Variants in SMARCA5 observed in about 807,000 individuals in gnomAD.
SMARCA5 encodes the protein SWI/SNF-related matrix-associated actin-dependent regulator of chromatin subfamily A member 5.
A neutral mutation model predicts 140.4 loss-of-function variants in SMARCA5; 18 were observed. The observed-to-expected ratio is 0.13, with a 90% CI of 0.09 to 0.19. The LOEUF (loss-of-function observed/expected upper bound fraction) is 0.19. Ranked by LOEUF, SMARCA5 falls within the 10% of genes least tolerant of loss-of-function variation. The pLI, the probability that SMARCA5 is intolerant of heterozygous loss-of-function variation, is 1.00. For missense variants in SMARCA5, 606 were observed against 1,276.8 expected, an observed-to-expected ratio of 0.47 and a Z score of 8.01; for synonymous variants, 449 against 419.6, an observed-to-expected ratio of 1.07 and a Z score of -0.86.
intron 1 of SMARCA5, among the ~76,000 whole-genome samples, chr4:143,515,518 T>A (rs183112236): frequency 3.5e-4 from 53 of 152,290 alleles, no homozygotes; most frequent in African/African-American, 1.2e-3. Context: ...AAATTGTTTA[T>A]AGTTTTTCCT....
chr4:143,519,201 CA>C (rs1251287589), intron 2 of SMARCA5, among the ~76,000 whole-genome samples: 1 of 151,976 alleles, frequency 6.6e-6, no homozygotes, highest in Non-Finnish European at 1.5e-5. Flanking sequence ...TGAGAATATC[CA>C]AAACTGAATT....
At position 143,556,585 on chromosome 4, in the gene SMARCA5, CAT is replaced by C. The variant is rs1216236043; in HGVS notation, c.*3402_*3403del. 1 of 152,094 alleles carries C rather than the reference CAT, an allele frequency of 6.6e-6. No homozygotes were observed. Among genetic ancestry groups the C allele is most frequent in the Admixed American group, 6.5e-5 (1 of 15,270 alleles). The allele number at this position is 152,094 out of a possible 1,614,324, so 9.4% of individuals were successfully genotyped here. A position where few individuals can be genotyped will look rare whatever the true frequency, so the allele number is the denominator to read the frequency against. ...TCCAAATGAATGGAATGCTAGAAGACATGTATTAACGGAGTAGCTGTTACCAA... is the reference window on the plus strand; with the variant it reads ...TCCAAATGAATGGAATGCTAGAAGACGTATTAACGGAGTAGCTGTTACCAA... On this transcript the variant is annotated 3_prime_UTR_variant, in exon 24 of 24. Coordinates refer to ENST00000283131, the MANE Select transcript of SMARCA5 (RefSeq NM_003601.4).
chr4:143,545,319 A>G, intron 17 of SMARCA5, 151 bp from the exon 18 acceptor site: 1 of 645,326 alleles, frequency 1.5e-6, no homozygotes, highest in Non-Finnish European at 2.8e-6. Context: ...GAATCTGTGC[A>G]TTTAAAATTA....
At chr4:143,542,017 C>T (rs903973978) in intron 14 of SMARCA5, among the ~76,000 whole-genome samples, 9 of 152,042 alleles carry the variant, frequency 5.9e-5, no homozygotes, top group Non-Finnish European at 1.0e-4. Flanking sequence ...GCCACCACAC[C>T]TGGCTAATTT....
intron 11 of SMARCA5, 113 bp downstream of exon 11, chr4:143,536,791 G>C (rs922827222): frequency 8.2e-6 from 6 of 733,434 alleles, no homozygotes; most frequent in Non-Finnish European, 1.4e-5. Flanking sequence ...TTGACGTGTA[G>C]AACATTAAAA....
intron 5 of SMARCA5, 112 bp from the exon 6 acceptor site, chr4:143,526,169 A>G (rs1282980419): frequency 2.3e-6 from 2 of 861,178 alleles, no homozygotes; most frequent in African/African-American, 3.4e-5. Flanking sequence ...CCATTTATTA[A>G]CTGTTATAAA....
intron 9 of SMARCA5, among the ~76,000 whole-genome samples, chr4:143,533,110 G>T (rs974812569): frequency 3.9e-5 from 6 of 152,184 alleles, no homozygotes; most frequent in African/African-American, 1.4e-4. Flanking sequence ...ACTGTTCTAT[G>T]AAAATGAGTG....
intron 9 of SMARCA5, among the ~76,000 whole-genome samples, chr4:143,532,600 G>A (rs1737212875): frequency 6.6e-6 from 1 of 152,128 alleles, no homozygotes; most frequent in Non-Finnish European, 1.5e-5. Context: ...TTAGAAGTCG[G>A]TATGGATGCG....
intron 10 of SMARCA5, among the ~76,000 whole-genome samples, chr4:143,536,227 A>G (rs1442789852): frequency 6.6e-6 from 1 of 152,186 alleles, no homozygotes; most frequent in Non-Finnish European, 1.5e-5. Flanking sequence ...TAATATCCTC[A>G]AGGCCCAAGG....
rs1404360088 is a variant in SMARCA5, at chr4:143,555,636, CT to C, written c.*2453del. 3.7e-6 allele frequency: 1 copy of C among 269,904 alleles called. No individual in the cohort carries two copies. The highest frequency in any genetic ancestry group is 7.2e-6 in the Non-Finnish European group (1 of 139,370). 16.7% of individuals were successfully genotyped at this position (269,904 alleles called of 1,614,324 possible). ...TGTACATCTGACAAAGTGCTGGAGGCTATTATAAAGTGTAATTATTACTACT... is the reference window on the plus strand; with the variant it reads ...TGTACATCTGACAAAGTGCTGGAGGCATTATAAAGTGTAATTATTACTACT... On this transcript the variant is annotated 3_prime_UTR_variant, in exon 24 of 24. Transcript: ENST00000283131.
rs1175971378 is a variant in SMARCA5 at position 143,554,638 on chromosome 4, T to C, written c.*1454T>C. 6.5e-6 allele frequency: 1 copy of C among 152,724 alleles called. No homozygotes were observed. The highest frequency in any genetic ancestry group is 2.4e-5 in the African/African-American group (1 of 41,460). The allele number at this position is 152,724 out of a possible 1,614,324, so 9.5% of individuals were successfully genotyped here. ...ATGGCAAATTGTAAAGTAATTTGAATTTAGTGCTACCTCAAAATTAACTTT... is the reference window on the plus strand; with the variant it reads ...ATGGCAAATTGTAAAGTAATTTGAACTTAGTGCTACCTCAAAATTAACTTT... On this transcript the variant is annotated 3_prime_UTR_variant, in exon 24 of 24. Coordinates refer to ENST00000283131, the MANE Select transcript of SMARCA5 (RefSeq NM_003601.4).
intron 23 of SMARCA5, among the ~76,000 whole-genome samples, chr4:143,550,945 G>A (rs1737629355): frequency 6.6e-6 from 1 of 151,812 alleles, no homozygotes; most frequent in African/African-American, 2.4e-5. Context: ...AAACCTAGGA[G>A]TAGGGTAACT....
intron 1 of SMARCA5, among the ~76,000 whole-genome samples, chr4:143,517,136 A>G (rs967889928): frequency 6.6e-6 from 1 of 152,220 alleles, no homozygotes; most frequent in Non-Finnish European, 1.5e-5. Flanking sequence ...GGCAACAACC[A>G]TACAGTTTAT....
At position 143,513,811 on chromosome 4, in the gene SMARCA5, G is replaced by C. The variant is rs1042536836; in HGVS notation, c.-114G>C. ...CGCGGCGCAGGGGAGCGCTCGGGTG[G>C]GAGTCTCGCTCCTCCACCAGTTTAT... On this transcript the variant is annotated 5_prime_UTR_variant, in exon 1 of 24. Transcript: ENST00000283131. 5 of 1,240,216 alleles carry C rather than the reference G, an allele frequency of 4.0e-6. No homozygotes were observed. The highest frequency in any genetic ancestry group is 5.5e-6 in the Non-Finnish European group (5 of 907,458). The allele number at this position is 1,240,216 out of a possible 1,614,324, so 76.8% of individuals were successfully genotyped here. A position where few individuals can be genotyped will look rare whatever the true frequency, so the allele number is the denominator to read the frequency against.
chr4:143,516,366 C>T (rs1736832221), intron 1 of SMARCA5, among the ~76,000 whole-genome samples: 1 of 151,992 alleles, frequency 6.6e-6, no homozygotes, highest in Non-Finnish European at 1.5e-5. Context: ...CTGTGTTCAT[C>T]CTCATCTCTA....
intron 1 of SMARCA5, among the ~76,000 whole-genome samples, chr4:143,515,041 T>C (rs750199653): frequency 1.3e-5 from 2 of 152,210 alleles, no homozygotes; most frequent in Non-Finnish European, 2.9e-5. Flanking sequence ...TTCCAATTTT[T>C]ATTTTCTTGG....
chr4:143,521,011 TC>T (rs1404291178), intron 2 of SMARCA5, among the ~76,000 whole-genome samples: 1 of 152,236 alleles, frequency 6.6e-6, no homozygotes, highest in African/African-American at 2.4e-5. Flanking sequence ...TAAAAATTGT[TC>T]CGATCAACTG....
intron 23 of SMARCA5, among the ~76,000 whole-genome samples, chr4:143,552,500 T>A (rs891549950): frequency 6.6e-6 from 1 of 152,054 alleles, no homozygotes; most frequent in Non-Finnish European, 1.5e-5. Flanking sequence ...TAGTCCTTAA[T>A]ATGGGGCTTC....
At position 143,556,192 on chromosome 4, in the gene SMARCA5, G is replaced by A. The variant is rs2149827224; in HGVS notation, c.*3008G>A. 6.6e-6 allele frequency: 1 copy of A among 152,272 alleles called. No individual in the cohort carries two copies. The highest frequency in any genetic ancestry group is 1.5e-5 in the Non-Finnish European group (1 of 68,016). 9.4% of individuals were successfully genotyped at this position (152,272 alleles called of 1,614,324 possible). A position where few individuals can be genotyped will look rare whatever the true frequency, so the allele number is the denominator to read the frequency against. On this transcript the variant is annotated 3_prime_UTR_variant, in exon 24 of 24. Transcript: ENST00000283131. ...AATGCTAAAAACACTTCTGGTTCCA[G>A]GCATTTCAGATAAGGATTGCTCCAT...
Sources: allele counts gnomAD v4.1 joint callset (sites outside exome capture counted in the v4.1 genomes callset), GRCh38; gene constraint gnomAD v4.1.1; transcripts MANE v1.5; gene names NCBI Gene and HGNC (gene_info 2026-07-23, HGNC 2026-07-21).